The following SPDYA variants were observed in gnomAD, a reference collection of about 807,000 sequenced individuals.
SPDYA encodes speedy/RINGO cell cycle regulator family member A, also known as speedy protein A.
In SPDYA, 11 loss-of-function variants were observed where a neutral mutation model predicts 36.7. The observed-to-expected ratio is 0.30, with a 90% CI of 0.19 to 0.50. The LOEUF (loss-of-function observed/expected upper bound fraction) is 0.50, where lower values mean the gene tolerates loss of function less well. Among genes scored for constraint, SPDYA ranks in the 20% least tolerant of loss-of-function variants. SPDYA has a pLI of 0.98. For missense variants in SPDYA, 287 were observed against 370.9 expected (o/e 0.77, Z 1.86); for synonymous variants, 115 against 118.7 (o/e 0.97, Z 0.20).
At chr2:28,826,449 C>T (rs1288078528) in intron 5 of SPDYA, among the ~76,000 whole-genome samples, 1 of 151,930 alleles carries the variant, frequency 6.6e-6, no homozygotes, top group Non-Finnish European at 1.5e-5. Context: ...AAGATTGATG[C>T]CTTTCAACAG....
In SPDYA at chr2:28,831,873, A is replaced by G. The variant is rs78462583; in HGVS notation, c.552+2554A>G. ...GAAAGAACGATCTTTGCTCCTATCC[A>G]AATCCATTCCCTCTACTTGTGCACT... On this transcript the variant is annotated intron_variant, in intron 6 of 7. Coordinates refer to ENST00000334056, the MANE Select transcript of SPDYA (RefSeq NM_182756.4). Among the ~76,000 whole-genome samples, 1,479 of 152,230 alleles carry G rather than the reference A, an allele frequency of 9.7e-3. 26 individuals are homozygous for G. Among genetic ancestry groups the G allele is most frequent in the African/African-American group, 0.033 (1,391 of 41,530 alleles).
intron 7 of SPDYA, among the ~76,000 whole-genome samples, chr2:28,847,999 G>C (rs1375704490): frequency 1.3e-5 from 2 of 152,114 alleles, no homozygotes; most frequent in Non-Finnish European, 2.9e-5. Context: ...TGTGTAGTAG[G>C]CTATACCACC....
intron 5 of SPDYA, among the ~76,000 whole-genome samples, chr2:28,823,978 C>T (rs1668248725): frequency 6.6e-6 from 1 of 150,518 alleles, no homozygotes; most frequent in Non-Finnish European, 1.5e-5. Context: ...AACTCCTGAC[C>T]TCAAGTGATC....
At chr2:28,828,974 G>C (rs1668406907) in intron 5 of SPDYA, among the ~76,000 whole-genome samples, 174 bp from the exon 6 acceptor site, 1 of 152,208 alleles carries the variant, frequency 6.6e-6, no homozygotes, top group South Asian at 2.1e-4. Flanking sequence ...GAAATACCTA[G>C]AACCCAACAA....
At chr2:28,820,187 T>C (rs552861449) in intron 4 of SPDYA, among the ~76,000 whole-genome samples, 1 of 152,200 alleles carries the variant, frequency 6.6e-6, no homozygotes, top group Non-Finnish European at 1.5e-5. Flanking sequence ...CAGTAATTTG[T>C]AGGGTAAAAT....
chr2:28,816,843 T>C (rs530016910), intron 3 of SPDYA, among the ~76,000 whole-genome samples: 1 of 145,810 alleles, frequency 6.9e-6, no homozygotes, highest in Admixed American at 7.0e-5. Flanking sequence ...ACTGTACTCC[T>C]AACTAGGAAA....
intron 7 of SPDYA, chr2:28,840,679 T>C: frequency 7.7e-7 from 1 of 1,303,942 alleles, no homozygotes; most frequent in Non-Finnish European, 9.7e-7. Context: ...TAATGTGACC[T>C]ATGTTAAGTT....
Position 28,840,320 on chromosome 2 carries a change from AAAG to A in SPDYA, c.706_708del (p.Arg236del), listed in dbSNP as rs1668719187. 1.2e-6 allele frequency: 2 copies of A among 1,611,462 alleles called. No individual in the cohort carries two copies. Among genetic ancestry groups the A allele is most frequent in the Non-Finnish European group, 1.7e-6 (2 of 1,178,974 alleles). Reference sequence around the variant, plus strand: ...GTAGATTGTTCACTCTGTGGTAAAAAAAGAAGATATGTTAGACTGGGATTGTCT... The same window carrying A: ...GTAGATTGTTCACTCTGTGGTAAAAAAAGATATGTTAGACTGGGATTGTCT... On this transcript the variant is annotated inframe_deletion, in exon 7 of 8. Coordinates refer to ENST00000334056, the MANE Select transcript of SPDYA (RefSeq NM_182756.4).
intron 6 of SPDYA, among the ~76,000 whole-genome samples, chr2:28,833,934 AT>A (rs1668530907): frequency 6.6e-6 from 1 of 152,134 alleles, no homozygotes; most frequent in Non-Finnish European, 1.5e-5. Context: ...AATGAAAAAA[AT>A]TTTTTGCAAG....
At chr2:28,848,125 A>G (rs1035848224) in intron 7 of SPDYA, among the ~76,000 whole-genome samples, 2 of 152,222 alleles carry the variant, frequency 1.3e-5, no homozygotes, top group Non-Finnish European at 2.9e-5. Context: ...TGGAAATGTT[A>G]TAAAAGCTAT....
chr2:28,850,075 T>C lies in SPDYA; in HGVS notation c.*134T>C, dbSNP rs1669006497. Reference sequence around the variant, plus strand: ...TTTAGTTGTTATTTTCAAAATTATATGTATAAGTTATATAAGTCATAGTAA... The same window carrying C: ...TTTAGTTGTTATTTTCAAAATTATACGTATAAGTTATATAAGTCATAGTAA... On this transcript the variant is annotated 3_prime_UTR_variant, in exon 8 of 8. Coordinates refer to ENST00000334056, the MANE Select transcript of SPDYA (RefSeq NM_182756.4). 9.5e-6 allele frequency: 11 copies of C among 1,159,306 alleles called. No individual in the cohort carries two copies. In the East Asian group the frequency reaches 2.0e-4, roughly 21 times the overall value. The allele number at this position is 1,159,306 out of a possible 1,614,324, so 71.8% of individuals were successfully genotyped here.
chr2:28,835,158 C>T (rs1283001301), intron 6 of SPDYA, among the ~76,000 whole-genome samples: 1 of 151,846 alleles, frequency 6.6e-6, no homozygotes. Context: ...AACTCCTGGG[C>T]TCAAGCAATC....
chr2:28,841,745 G>A (rs563063015), intron 7 of SPDYA, among the ~76,000 whole-genome samples: 1 of 152,226 alleles, frequency 6.6e-6, no homozygotes, highest in African/African-American at 2.4e-5. Flanking sequence ...AAATTTGCAC[G>A]ACAGTATAGT....
In SPDYA at chr2:28,850,340, G is replaced by A; in HGVS notation, c.*399G>A. On this transcript the variant is annotated 3_prime_UTR_variant, in exon 8 of 8. Transcript: ENST00000334056. Reference sequence around the variant, plus strand: ...AAACATTACTCACCTGTATGACCAGGTTGCCAGTGTACTGGTCTAGCAACA... The same window carrying A: ...AAACATTACTCACCTGTATGACCAGATTGCCAGTGTACTGGTCTAGCAACA... 6.2e-7 allele frequency: 1 copy of A among 1,609,716 alleles called. No homozygotes were observed. The highest frequency in any genetic ancestry group is 8.5e-7 in the Non-Finnish European group (1 of 1,177,392).
chr2:28,850,374 T>C lies in SPDYA; in HGVS notation c.*433T>C, dbSNP rs889095626. 3 of 1,609,094 alleles carry C rather than the reference T, an allele frequency of 1.9e-6. No homozygotes were observed. In the African/African-American group the frequency reaches 4.0e-5, roughly 22 times the overall value. On this transcript the variant is annotated 3_prime_UTR_variant, in exon 8 of 8. Coordinates refer to ENST00000334056, the MANE Select transcript of SPDYA (RefSeq NM_182756.4). ...GTACTGGTCTAGCAACATAGGGAAATGATCCATATGGAAAATCAGAATGCG... is the reference window on the plus strand; with the variant it reads ...GTACTGGTCTAGCAACATAGGGAAACGATCCATATGGAAAATCAGAATGCG...
At chr2:28,822,456 A>G (rs1572495498) in intron 5 of SPDYA, 46 bp downstream of exon 5, 1 of 1,079,350 alleles carries the variant, frequency 9.3e-7, no homozygotes, top group Non-Finnish European at 1.3e-6. Flanking sequence ...TCTATTATAT[A>G]CATTACACCT....
In SPDYA at chr2:28,820,630, C is replaced by A. The variant is rs116157830; in HGVS notation, c.294+1524C>A. On this transcript the variant is annotated intron_variant, in intron 4 of 7. Transcript: ENST00000334056. ...AATAAAATTTCAGCTTTGTATTTTTCAATTTTTTTCTTTTAGAAAAATATT... is the reference window on the plus strand; with the variant it reads ...AATAAAATTTCAGCTTTGTATTTTTAAATTTTTTTCTTTTAGAAAAATATT... 4.1e-3 allele frequency among the ~76,000 whole-genome samples: 627 copies of A among 152,132 alleles called. 6 individuals are homozygous for A. Among genetic ancestry groups the A allele is most frequent in the African/African-American group, 0.014 (594 of 41,524 alleles).
chr2:28,838,697 C>G (rs1181896706), intron 6 of SPDYA, among the ~76,000 whole-genome samples: 1 of 151,960 alleles, frequency 6.6e-6, no homozygotes, highest in African/African-American at 2.4e-5. Context: ...TTTGGCTGAG[C>G]GAGGTGGCTC....
chr2:28,827,486 G>C (rs887602010), intron 5 of SPDYA, among the ~76,000 whole-genome samples: 2 of 151,934 alleles, frequency 1.3e-5, no homozygotes, highest in African/African-American at 4.8e-5. Flanking sequence ...CAGATTTCAG[G>C]GTCTGTTACT....
Sources: gnomAD v4.1 joint callset for allele counts (sites outside exome capture counted in the v4.1 genomes callset) on GRCh38, gnomAD v4.1.1 for gene constraint, MANE v1.5 for transcripts, NCBI Gene and HGNC (gene_info 2026-07-23, HGNC 2026-07-21) for gene names.